Variants in VWF observed in about 807,000 individuals in gnomAD.
The protein encoded by VWF is Factor VIII related antigen.
In VWF, 176 loss-of-function variants were observed where a neutral mutation model predicts 308.6. That is an observed-to-expected ratio of 0.57 (90% CI 0.50 to 0.65). VWF has a LOEUF of 0.65. Ranked by LOEUF, VWF falls within the 30% of genes least tolerant of loss-of-function variation. VWF has a pLI of 0.00. For missense variants in VWF, 3,146 were observed against 3,648.2 expected (o/e 0.86, Z 3.55); for synonymous variants, 1,385 against 1,443.4 (o/e 0.96, Z 0.92).
chr12:6,022,373 C>CT (rs1944138659), intron 26 of VWF, among the ~76,000 whole-genome samples: 1 of 152,128 alleles, frequency 6.6e-6, no homozygotes, highest in South Asian at 2.1e-4. Context: ...TCGTCACAAA[C>CT]TGCGTGTGGC....
chr12:5,950,092 T>G (rs1028180280), intron 50 of VWF, among the ~76,000 whole-genome samples: 2 of 152,212 alleles, frequency 1.3e-5, no homozygotes, highest in African/African-American at 2.4e-5. Context: ...TGGACTTAAC[T>G]CACTTAATGG....
chr12:6,003,512 CAAA>C (rs568588923), intron 34 of VWF, among the ~76,000 whole-genome samples: 1 of 132,482 alleles, frequency 7.5e-6, no homozygotes, highest in Non-Finnish European at 1.6e-5. Flanking sequence ...TGTTTCACTA[CAAA>C]AAAAAAAAAA....
At chr12:6,059,937 C>T (rs996239358) in intron 13 of VWF, among the ~76,000 whole-genome samples, 8 of 152,210 alleles carry the variant, frequency 5.3e-5, no homozygotes, top group Non-Finnish European at 1.0e-4. Context: ...ACTCCCTTCC[C>T]GCCTCTCAGC....
chr12:5,964,987 C>A (rs921835900), intron 47 of VWF, among the ~76,000 whole-genome samples: 6 of 152,210 alleles, frequency 3.9e-5, no homozygotes, highest in African/African-American at 9.6e-5. Flanking sequence ...ATGTCTCCTA[C>A]CCGGCAGGGC....
chr12:6,053,438 T>C (rs1944541764), intron 15 of VWF, among the ~76,000 whole-genome samples: 1 of 152,122 alleles, frequency 6.6e-6, no homozygotes, highest in African/African-American at 2.4e-5. Context: ...CCTTACTCTC[T>C]AGAAAGAAAA....
intron 5 of VWF, among the ~76,000 whole-genome samples, chr12:6,109,199 G>A (rs556102696): frequency 1.3e-5 from 2 of 151,680 alleles, no homozygotes; most frequent in Non-Finnish European, 1.5e-5. Context: ...GGGCAACTTA[G>A]CAAGACCTTA....
chr12:6,054,307 G>A (rs1313839328), intron 15 of VWF, among the ~76,000 whole-genome samples: 1 of 152,208 alleles, frequency 6.6e-6, no homozygotes, highest in African/African-American at 2.4e-5. Context: ...GAATGGAAAG[G>A]TTGGATTATT....
intron 2 of VWF, 130 bp downstream of exon 2, chr12:6,123,012 A>G (rs550218015): frequency 4.3e-6 from 5 of 1,173,862 alleles, no homozygotes; most frequent in Non-Finnish European, 6.4e-6. Flanking sequence ...CCTTCACAGG[A>G]GGCAACCAAC....
intron 18 of VWF, among the ~76,000 whole-genome samples, chr12:6,037,567 C>T (rs570058013): frequency 6.6e-6 from 1 of 152,320 alleles, no homozygotes; most frequent in Admixed American, 6.5e-5. Context: ...GAAGAGTCAG[C>T]CAAACCCACT....
chr12:6,095,395 C>T (rs745539026), intron 6 of VWF, 65 bp downstream of exon 6: 3 of 1,609,364 alleles, frequency 1.9e-6, no homozygotes, highest in Non-Finnish European at 2.6e-6. Flanking sequence ...GAGACTGAGT[C>T]CTTCTGTCTT....
At chr12:6,021,841 C>G in intron 27 of VWF, 59 bp downstream of exon 27, 1 of 1,612,552 alleles carries the variant, frequency 6.2e-7, no homozygotes, top group Non-Finnish European at 8.5e-7. Context: ...AGTCTCTAAG[C>G]TGGCCCCTGG....
At position 6,024,626 on chromosome 12, in the gene VWF, T is replaced by C. The variant is rs773670916; in HGVS notation, c.3223-839A>G. On this transcript the variant is annotated intron_variant, in intron 24 of 51. Transcript: ENST00000261405. This position sits in a 1 kb window ranked among gnomAD's most constrained non-coding sequence, Gnocchi z 4.0. ...TGGTGGTGTTACACAGCAGCATGTA[T>C]GTGTGCATGGCTGTGTGTGTACACA... Among the ~76,000 whole-genome samples, 1 of 152,252 alleles carries C rather than the reference T, an allele frequency of 6.6e-6. No individual in the cohort carries two copies. The highest frequency in any genetic ancestry group is 1.5e-5 in the Non-Finnish European group (1 of 68,050).
Position 6,004,481 on chromosome 12 carries a change from G to A in VWF, c.5842+7136C>T, listed in dbSNP as rs541683290. ...CACGTGTGTGTGTGCGTGTGTGTGTGTGCAAGATACTCCACTGCTATTCAA... is the reference window on the plus strand; with the variant it reads ...CACGTGTGTGTGTGCGTGTGTGTGTATGCAAGATACTCCACTGCTATTCAA... On this transcript the variant is annotated intron_variant, in intron 34 of 51. Coordinates refer to ENST00000261405, the MANE Select transcript of VWF (RefSeq NM_000552.5). Among the ~76,000 whole-genome samples, 4 of 152,164 alleles carry A rather than the reference G, an allele frequency of 2.6e-5. No individual in the cohort carries two copies. In the South Asian group the frequency reaches 6.2e-4, roughly 24 times the overall value.
chr12:5,967,987 C>T lies in VWF; in HGVS notation c.7770+140G>A. On this transcript the variant is annotated intron_variant, in intron 46 of 51. Coordinates refer to ENST00000261405, the MANE Select transcript of VWF (RefSeq NM_000552.5). ...CTGGGCTCCATGATGCCAGGCACGT[C>T]CCACAGGCAGTGGAAAGCTGGGGTT... 3 of 1,215,002 alleles carry T rather than the reference C, an allele frequency of 2.5e-6. No individual in the cohort carries two copies. In the Admixed American group the frequency reaches 5.5e-5, roughly 22 times the overall value. 75.3% of individuals were successfully genotyped at this position (1,215,002 alleles called of 1,614,324 possible).
intron 50 of VWF, 101 bp from the exon 51 acceptor site, chr12:5,949,984 A>G: frequency 1.9e-6 from 2 of 1,054,384 alleles, no homozygotes; most frequent in South Asian, 1.3e-5. Context: ...GGTCCCTTTC[A>G]CAGTAACCAA....
At chr12:5,980,480 GGACAAAT>G (rs1298900596) in intron 42 of VWF, among the ~76,000 whole-genome samples, 2 of 152,144 alleles carry the variant, frequency 1.3e-5, no homozygotes, top group Admixed American at 1.3e-4. Flanking sequence ...ACATTCTACA[GGACAAAT>G]GACCCAGCTT....
At chr12:6,103,425 T>C (rs962333685) in intron 5 of VWF, among the ~76,000 whole-genome samples, 6 of 118,160 alleles carry the variant, frequency 5.1e-5, no homozygotes, top group Non-Finnish European at 9.7e-5. Context: ...CGTGTGTGTA[T>C]ACACACGTGT....
In VWF at chr12:6,095,571, C is replaced by T. The variant is rs143054357; in HGVS notation, c.546G>A (p.Ser182=). 1.5e-3 allele frequency: 2,345 copies of T among 1,614,110 alleles called. 6 individuals are homozygous for T. Among genetic ancestry groups the T allele is most frequent in the Admixed American group, 2.2e-3 (133 of 60,012 alleles). The change falls in exon 6 of 52, where the codon TCG becomes TCA. Residue 182 remains serine, a synonymous_variant. Coordinates refer to ENST00000261405, the MANE Select transcript of VWF (RefSeq NM_000552.5). Reference sequence around the variant, plus strand: ...ATGAGTTGGCAAAGTCATAAGGGTCCGAGGTCAAGGTCCCTGTGGAGGAAA... The same window carrying T: ...ATGAGTTGGCAAAGTCATAAGGGTCTGAGGTCAAGGTCCCTGTGGAGGAAA... ...DFMTQEGTLT[S]DPYDFANSWA... is the part of the protein sequence containing the mutation.
chr12:6,061,496 G>C (rs1433853079), intron 13 of VWF, among the ~76,000 whole-genome samples: 1 of 149,964 alleles, frequency 6.7e-6, no homozygotes, highest in Non-Finnish European at 1.5e-5. Flanking sequence ...AAAGGAGTTA[G>C]TTTGAAATTC....
Sources: gnomAD v4.1 joint callset for allele counts (sites outside exome capture counted in the v4.1 genomes callset) on GRCh38, gnomAD v4.1.1 for gene constraint, Gnocchi (gnomAD v3.1) non-coding constraint, MANE v1.5 for transcripts, NCBI Gene and HGNC (gene_info 2026-07-23, HGNC 2026-07-21) for gene names.